HPGD: variants seen among roughly 807,000 people sequenced by gnomAD.
HPGD encodes the protein 15-hydroxyprostaglandin dehydrogenase [NAD(+)].
In HPGD, 29 loss-of-function variants were observed where a neutral mutation model predicts 30.0. The observed-to-expected ratio is 0.97, with a 90% CI of 0.72 to 1.32. HPGD has a LOEUF of 1.32. Among genes scored for constraint, HPGD ranks in the 40% most tolerant of loss-of-function variants. The pLI, the probability that HPGD is intolerant of heterozygous loss-of-function variation, is 0.00. For missense variants in HPGD, 340 were observed against 322.1 expected, an observed-to-expected ratio of 1.06 and a Z score of -0.43; for synonymous variants, 99 against 112.4, an observed-to-expected ratio of 0.88 and a Z score of 0.75.
At chr4:174,506,028 G>A (rs1428034789) in intron 4 of HPGD, among the ~76,000 whole-genome samples, 1 of 152,168 alleles carries the variant, frequency 6.6e-6, no homozygotes, top group African/African-American at 2.4e-5. Flanking sequence ...TGCATGAATA[G>A]AGAAATGCCC....
chr4:174,499,847 G>A (rs1734819021), intron 4 of HPGD, among the ~76,000 whole-genome samples: 1 of 147,842 alleles, frequency 6.8e-6, no homozygotes, highest in South Asian at 2.1e-4. Flanking sequence ...GAAAACTCCA[G>A]AGATATACCT....
intron 3 of HPGD, among the ~76,000 whole-genome samples, chr4:174,517,295 C>T (rs770961350): frequency 1.6e-4 from 24 of 152,262 alleles, no homozygotes; most frequent in East Asian, 1.2e-3. Flanking sequence ...CACACACACA[C>T]GAACCACGAA....
At position 174,522,454 on chromosome 4, in the gene HPGD, T is replaced by A; in HGVS notation, c.-3A>T. On this transcript the variant is annotated 5_prime_UTR_variant, in exon 1 of 7. Transcript: ENST00000296522. ...GCCACTTTGCCGTTCACGTGCATGG[T>A]GCAGCCACTGCTGGGGCGGGCGGTG... The A allele has an allele frequency of 6.4e-7, 1 of 1,568,814 alleles. No individual in the cohort carries two copies. Among genetic ancestry groups the A allele is most frequent in the Non-Finnish European group, 8.6e-7 (1 of 1,156,688 alleles).
chr4:174,497,338 G>A (rs969017454), intron 4 of HPGD, among the ~76,000 whole-genome samples: 3 of 152,112 alleles, frequency 2.0e-5, no homozygotes, highest in African/African-American at 4.8e-5. Flanking sequence ...GTGTCATAGA[G>A]GCGAAAGAAA....
intron 3 of HPGD, among the ~76,000 whole-genome samples, chr4:174,513,803 G>T (rs6846029): frequency 0.17 from 26,419 of 151,786 alleles, 2,808 homozygotes; most frequent in Non-Finnish European, 0.24. Flanking sequence ...ATATAGAATA[G>T]ATTAAAAAAT....
chr4:174,500,424 C>T (rs1323385373), intron 4 of HPGD, among the ~76,000 whole-genome samples: 1 of 152,192 alleles, frequency 6.6e-6, no homozygotes, highest in African/African-American at 2.4e-5. Context: ...GAACTGAAAA[C>T]ATGCTTGCAC....
intron 2 of HPGD, 97 bp downstream of exon 2, chr4:174,521,847 G>T: frequency 1.4e-6 from 2 of 1,426,516 alleles, no homozygotes; most frequent in Non-Finnish European, 2.0e-6. Context: ...CGAGGAGGCA[G>T]CGGAGGCGGC....
At chr4:174,495,331 A>G in intron 5 of HPGD, 1 of 573,652 alleles carries the variant, frequency 1.7e-6, no homozygotes, top group East Asian at 3.0e-5. Context: ...TTTTTTTTAA[A>G]TAACACATCT....
chr4:174,502,346 C>T lies in HPGD; in HGVS notation c.421+6350G>A, dbSNP rs537360093. ...GTTTTTTTTCTCATTCTTATGGGTG[C>T]CATTAAGTTATGCTTTAGAGTGTGA... On this transcript the variant is annotated intron_variant, in intron 4 of 6. Coordinates refer to ENST00000296522, the MANE Select transcript of HPGD (RefSeq NM_000860.6). Among the ~76,000 whole-genome samples the T allele has an allele frequency of 3.5e-4, 54 of 152,138 alleles. No individual in the cohort carries two copies. The Middle Eastern group carries it at 0.014, about 38-fold the overall frequency.
intron 4 of HPGD, among the ~76,000 whole-genome samples, chr4:174,499,891 C>T (rs945974811): frequency 6.6e-6 from 1 of 152,130 alleles, no homozygotes; most frequent in South Asian, 2.1e-4. Flanking sequence ...CACTCTTTCC[C>T]TACATGATTT....
chr4:174,494,491 G>A lies in HPGD; in HGVS notation c.498+1057C>T, dbSNP rs567974296. Among the ~76,000 whole-genome samples, 79 of 152,200 alleles carry A rather than the reference G, an allele frequency of 5.2e-4. No individual in the cohort carries two copies. In the South Asian group the frequency reaches 7.7e-3, roughly 15 times the overall value. On this transcript the variant is annotated intron_variant, in intron 5 of 6. Coordinates refer to ENST00000296522, the MANE Select transcript of HPGD (RefSeq NM_000860.6). The surrounding 1 kb of genome is among the most constrained non-coding windows in gnomAD (Gnocchi z 4.9). ...ATTTCTGGTCTTTCAGGTTTACTTTGCTTTGTAAGAGAGCTTTATGTGTTT... is the reference window on the plus strand; with the variant it reads ...ATTTCTGGTCTTTCAGGTTTACTTTACTTTGTAAGAGAGCTTTATGTGTTT...
chr4:174,491,813 A>G lies in HPGD; in HGVS notation c.*143T>C, dbSNP rs1734354880. 6.6e-6 allele frequency: 5 copies of G among 755,006 alleles called. No homozygotes were observed. The highest frequency in any genetic ancestry group is 3.5e-5 in the African/African-American group (2 of 57,610). The allele number at this position is 755,006 out of a possible 1,614,324, so 46.8% of individuals were successfully genotyped here. ...CTTTTTATCCATATACTTAACTAAAAATTTAGAAAACGTTTATCACCAAGT... is the reference window on the plus strand; with the variant it reads ...CTTTTTATCCATATACTTAACTAAAGATTTAGAAAACGTTTATCACCAAGT... On this transcript the variant is annotated 3_prime_UTR_variant, in exon 7 of 7. Transcript: ENST00000296522.
chr4:174,516,789 T>C (rs770946220), intron 3 of HPGD, among the ~76,000 whole-genome samples: 11 of 152,220 alleles, frequency 7.2e-5, no homozygotes, highest in Non-Finnish European at 1.6e-4. Flanking sequence ...TGAAGAAGTG[T>C]CATCCTCATT....
rs1402926554 is a variant in HPGD, at chr4:174,503,738, T to G, written c.421+4958A>C. On this transcript the variant is annotated intron_variant, in intron 4 of 6. Transcript: ENST00000296522. Reference sequence around the variant, plus strand: ...TTTTTGATTTTTTTTTTTTTTCTTTTGAGAGACAAGGTCTCACTATATTGC... The same window carrying G: ...TTTTTGATTTTTTTTTTTTTTCTTTGGAGAGACAAGGTCTCACTATATTGC... Among the ~76,000 whole-genome samples, 5 of 151,970 alleles carry G rather than the reference T, an allele frequency of 3.3e-5. No individual in the cohort carries two copies. In the East Asian group the frequency reaches 9.7e-4, roughly 29 times the overall value.
In HPGD at chr4:174,493,286, A is replaced by G; in HGVS notation, c.527T>C (p.Val176Ala). 6.2e-7 allele frequency: 1 copy of G among 1,613,248 alleles called. No individual in the cohort carries two copies. Among genetic ancestry groups the G allele is most frequent in the Non-Finnish European group, 8.5e-7 (1 of 1,179,342 alleles). ...ALAANLMNSG[V>A]RLNAICPGFV... ...GCCTGGACAAATGGCATTCAGTCTC[A>G]CACCACTGTTCATAAGATTAGCAGC... The change falls in exon 6 of 7, where the codon GTG becomes GCG. Residue 176 changes from valine (V) to alanine (A), a missense_variant. Val to Ala is a moderately conservative substitution (Grantham distance 64). Coordinates refer to ENST00000296522, the MANE Select transcript of HPGD (RefSeq NM_000860.6).
At chr4:174,514,242 C>T (rs529931940) in intron 3 of HPGD, among the ~76,000 whole-genome samples, 8 of 152,102 alleles carry the variant, frequency 5.3e-5, no homozygotes, top group African/African-American at 1.4e-4. Context: ...TACATTTCTA[C>T]CCTAAAGTAG....
intron 4 of HPGD, chr4:174,495,946 C>T (rs907516136): frequency 4.1e-5 from 12 of 295,034 alleles, no homozygotes; most frequent in African/African-American, 1.3e-4. Flanking sequence ...AGAAAATCAT[C>T]TTTAAAGTCA....
intron 2 of HPGD, among the ~76,000 whole-genome samples, chr4:174,518,711 C>A (rs1243013851): frequency 1.3e-5 from 2 of 152,124 alleles, no homozygotes; most frequent in African/African-American, 4.8e-5. Flanking sequence ...ATTACTACTT[C>A]AGATTACTAG....
intron 4 of HPGD, among the ~76,000 whole-genome samples, chr4:174,498,412 T>C (rs1431123974): frequency 2.0e-5 from 3 of 152,166 alleles, no homozygotes; most frequent in Non-Finnish European, 4.4e-5. Context: ...TTGACATATG[T>C]ATATACCAAT....
Sources: gnomAD v4.1 joint callset for allele counts (sites outside exome capture counted in the v4.1 genomes callset) on GRCh38, gnomAD v4.1.1 for gene constraint, Gnocchi (gnomAD v3.1) non-coding constraint, MANE v1.5 for transcripts, NCBI Gene and HGNC (gene_info 2026-07-23, HGNC 2026-07-21) for gene names.